Variants in ZFAND3 observed in about 807,000 individuals in gnomAD.
ZFAND3 encodes zinc finger AN1-type containing 3, also known as AN1-type zinc finger protein 3.
ZFAND3 carries 10 observed loss-of-function variants against 29.6 expected under a neutral mutation model. The observed-to-expected ratio is 0.34, with a 90% CI of 0.21 to 0.57. The LOEUF is 0.57. ZFAND3 is among the 20% of genes least tolerant of loss of function. The pLI is 0.86. For missense variants in ZFAND3, 230 were observed against 304.5 expected, an observed-to-expected ratio of 0.76 and a Z score of 1.82; for synonymous variants, 128 against 112.6, an observed-to-expected ratio of 1.14 and a Z score of -0.87.
At chr6:38,018,756 T>G (rs2127446682) in intron 2 of ZFAND3, among the ~76,000 whole-genome samples, 1 of 152,338 alleles carries the variant, frequency 6.6e-6, no homozygotes, top group African/African-American at 2.4e-5. Flanking sequence ...ATTATTTGTG[T>G]ATGTAGGGTA....
chr6:38,068,196 G>A (rs1764383041), intron 3 of ZFAND3, among the ~76,000 whole-genome samples: 1 of 152,102 alleles, frequency 6.6e-6, no homozygotes, highest in South Asian at 2.1e-4. Flanking sequence ...ATAGCCTACA[G>A]GCCAAATCCA....
chr6:37,875,707 G>T (rs1764780510), intron 1 of ZFAND3, among the ~76,000 whole-genome samples: 1 of 151,714 alleles, frequency 6.6e-6, no homozygotes, highest in Non-Finnish European at 1.5e-5. Flanking sequence ...TGCCCAGGCT[G>T]GAGTGCAGTG....
chr6:37,924,644 G>C (rs894404002), intron 1 of ZFAND3, among the ~76,000 whole-genome samples: 4 of 151,776 alleles, frequency 2.6e-5, no homozygotes, highest in African/African-American at 9.7e-5. Flanking sequence ...AGATCAGCCT[G>C]GGCAACAAAG....
intron 5 of ZFAND3, among the ~76,000 whole-genome samples, chr6:38,117,428 T>C (rs144126253): frequency 3.3e-5 from 5 of 152,290 alleles, no homozygotes; most frequent in African/African-American, 1.2e-4. Context: ...TGCACAGGGA[T>C]GCCTACCCAC....
At chr6:38,066,565 G>A (rs1014880825) in intron 3 of ZFAND3, among the ~76,000 whole-genome samples, 1 of 152,196 alleles carries the variant, frequency 6.6e-6, no homozygotes, top group African/African-American at 2.4e-5. Context: ...TGGATCCATT[G>A]TTATTGCATA....
intron 1 of ZFAND3, among the ~76,000 whole-genome samples, chr6:37,842,483 A>G (rs914279129): frequency 3.9e-5 from 6 of 152,148 alleles, no homozygotes; most frequent in Non-Finnish European, 7.4e-5. Flanking sequence ...TTGTATGAAT[A>G]AGTTTGTTCA....
At chr6:37,885,119 A>T (rs959974278) in intron 1 of ZFAND3, among the ~76,000 whole-genome samples, 3 of 152,192 alleles carry the variant, frequency 2.0e-5, no homozygotes, top group Non-Finnish European at 4.4e-5. Context: ...CTGGTGGCCA[A>T]TCATCTTTTG....
intron 3 of ZFAND3, among the ~76,000 whole-genome samples, chr6:38,065,951 T>A (rs1380658285): frequency 6.6e-6 from 1 of 152,200 alleles, no homozygotes; most frequent in Admixed American, 6.5e-5. Flanking sequence ...TAAGATTAGG[T>A]CTTTATAAAT....
chr6:37,997,818 G>T (rs1554165863), intron 2 of ZFAND3, among the ~76,000 whole-genome samples: 1 of 152,192 alleles, frequency 6.6e-6, no homozygotes, highest in Non-Finnish European at 1.5e-5. Flanking sequence ...GAAAAGAGTG[G>T]CTAGCACATG....
chr6:37,924,211 C>T (rs1761438698), intron 1 of ZFAND3, among the ~76,000 whole-genome samples: 1 of 151,844 alleles, frequency 6.6e-6, no homozygotes, highest in Non-Finnish European at 1.5e-5. Context: ...TGACAGAGCT[C>T]CAGAAAGATG....
At chr6:38,056,192 A>G (rs1189829803) in intron 2 of ZFAND3, among the ~76,000 whole-genome samples, 1 of 152,206 alleles carries the variant, frequency 6.6e-6, no homozygotes, top group Non-Finnish European at 1.5e-5. Context: ...GTGTAACACT[A>G]GTGGATTGGT....
chr6:38,075,832 A>G (rs1214797542), intron 3 of ZFAND3, among the ~76,000 whole-genome samples: 1 of 151,682 alleles, frequency 6.6e-6, no homozygotes. Flanking sequence ...GCTCACTGCA[A>G]CCTCCACCTC....
At chr6:37,822,270 C>G (rs1450311340) in intron 1 of ZFAND3, among the ~76,000 whole-genome samples, 1 of 152,182 alleles carries the variant, frequency 6.6e-6, no homozygotes, top group Non-Finnish European at 1.5e-5. Flanking sequence ...CAGTCTGATA[C>G]TTTTTATGAA....
At chr6:37,988,519 C>G (rs930103393) in intron 2 of ZFAND3, among the ~76,000 whole-genome samples, 1 of 152,154 alleles carries the variant, frequency 6.6e-6, no homozygotes, top group Non-Finnish European at 1.5e-5. Flanking sequence ...GTAGTTCAAG[C>G]TGTTCATTTT....
chr6:37,995,379 A>G (rs1044765748), intron 2 of ZFAND3, among the ~76,000 whole-genome samples: 3 of 152,158 alleles, frequency 2.0e-5, no homozygotes, highest in Non-Finnish European at 4.4e-5. Context: ...AACCTAAGGT[A>G]TTAATATGTC....
At chr6:37,987,560 C>A (rs1034065044) in intron 2 of ZFAND3, among the ~76,000 whole-genome samples, 5 of 152,036 alleles carry the variant, frequency 3.3e-5, no homozygotes, top group African/African-American at 1.2e-4. Context: ...GTGATTGTAC[C>A]CTTTCAAATG....
intron 2 of ZFAND3, among the ~76,000 whole-genome samples, chr6:37,958,292 A>G (rs1216453568): frequency 6.6e-6 from 1 of 152,054 alleles, no homozygotes; most frequent in East Asian, 1.9e-4. Context: ...CATCTCTACT[A>G]AAAATACAAA....
At chr6:37,991,219 T>C (rs1423333979) in intron 2 of ZFAND3, among the ~76,000 whole-genome samples, 1 of 152,202 alleles carries the variant, frequency 6.6e-6, no homozygotes, top group Non-Finnish European at 1.5e-5. Context: ...TCTTGACTCA[T>C]TGGACAGGCA....
At chr6:37,980,122 G>C (rs1762554850) in intron 2 of ZFAND3, among the ~76,000 whole-genome samples, 1 of 150,972 alleles carries the variant, frequency 6.6e-6, no homozygotes, top group African/African-American at 2.4e-5. Context: ...GACAATTGTA[G>C]GGCTGGTCTC....
Sources: gnomAD v4.1 joint callset for allele counts (sites outside exome capture counted in the v4.1 genomes callset) on GRCh38, gnomAD v4.1.1 for gene constraint, MANE v1.5 for transcripts, NCBI Gene and HGNC (gene_info 2026-07-23, HGNC 2026-07-21) for gene names.